Variants in MPC1 observed in about 807,000 individuals in gnomAD.
The protein encoded by MPC1 is HSPC040 protein.
MPC1 carries 6 observed loss-of-function variants against 13.9 expected under a neutral mutation model. That is an observed-to-expected ratio of 0.43 (90% CI 0.24 to 0.85). The LOEUF is 0.85. MPC1 is among the 40% of genes least tolerant of loss of function. The pLI is 0.24. For missense variants in MPC1, 115 were observed against 143.3 expected, an observed-to-expected ratio of 0.80 and a Z score of 1.01; for synonymous variants, 47 against 50.5, an observed-to-expected ratio of 0.93 and a Z score of 0.29.
In MPC1 at chr6:166,382,771, C is replaced by CCGGGTTGCGGGGTT. The variant is rs777850458; in HGVS notation, c.71+21_71+34dup. 4.5e-6 allele frequency: 7 copies of CCGGGTTGCGGGGTT among 1,557,048 alleles called. No individual in the cohort carries two copies. The African/African-American group carries it at 9.9e-5, about 22-fold the overall frequency. On this transcript the variant is annotated intron_variant, in intron 1 of 4. Transcript: ENST00000360961. ...GGGTCGCAGCCTCCCGGGAGCCCCT[C>CCGGGTTGCGGGGTT]CGGGTTGCGGGGTTCGGCCTGCGGC...
In MPC1 at chr6:166,365,549, C is replaced by A; in HGVS notation, c.306-96G>T. ...GCTTTTAAAAGACACCTTTACATAA[C>A]ATTTATTTCAACTTACAACTTATAA... On this transcript the variant is annotated intron_variant, in intron 4 of 4. Transcript: ENST00000360961. This position sits in a 1 kb window ranked among gnomAD's most constrained non-coding sequence, Gnocchi z 4.2. 1.0e-6 allele frequency: 1 copy of A among 964,140 alleles called. No individual in the cohort carries two copies. Among genetic ancestry groups the A allele is most frequent in the Non-Finnish European group, 1.5e-6 (1 of 673,232 alleles). The allele number at this position is 964,140 out of a possible 1,614,324, so 59.7% of individuals were successfully genotyped here.
At chr6:166,380,375 G>A (rs750883116) in intron 1 of MPC1, among the ~76,000 whole-genome samples, 5 of 152,184 alleles carry the variant, frequency 3.3e-5, no homozygotes, top group Non-Finnish European at 7.3e-5. Context: ...GAATCTTAGT[G>A]TGGTGCTCTA....
chr6:166,378,693 G>A (rs115825580), intron 1 of MPC1, among the ~76,000 whole-genome samples: 2,568 of 152,168 alleles, frequency 0.017, 73 homozygotes, highest in African/African-American at 0.058. Context: ...TTAAGAAAAA[G>A]GTATTGGAAT....
At chr6:166,375,811 A>T (rs1321451661) in intron 1 of MPC1, among the ~76,000 whole-genome samples, 1 of 152,142 alleles carries the variant, frequency 6.6e-6, no homozygotes, top group Non-Finnish European at 1.5e-5. Flanking sequence ...AATATAATTT[A>T]TCTTGGTGAG....
chr6:166,365,512 G>GGGCTTTGGAT lies in MPC1; in HGVS notation c.306-69_306-60dup. On this transcript the variant is annotated intron_variant, in intron 4 of 4. Coordinates refer to ENST00000360961, the MANE Select transcript of MPC1 (RefSeq NM_016098.4). The surrounding 1 kb of genome is among the most constrained non-coding windows in gnomAD (Gnocchi z 4.2). ...AACAAAATTTCAATGCCAATCGCAA[G>GGGCTTTGGAT]GGCTTTGGATGGCTTTTAAAAGACA... The GGGCTTTGGAT allele has an allele frequency of 7.0e-7, 1 of 1,436,092 alleles. No individual in the cohort carries two copies. The highest frequency in any genetic ancestry group is 2.5e-5 in the East Asian group (1 of 40,624). 89.0% of individuals were successfully genotyped at this position (1,436,092 alleles called of 1,614,324 possible). A position where few individuals can be genotyped will look rare whatever the true frequency, so the allele number is the denominator to read the frequency against.
Position 166,382,899 on chromosome 6 carries a change from G to A in MPC1, c.-23C>T. ...CATGGCTGTGCCGACACCAGACCCC[G>A]AGTGGTCCCTGCCTCTGCTGCCGCT... On this transcript the variant is annotated 5_prime_UTR_variant, in exon 1 of 5. Transcript: ENST00000360961. 1.3e-6 allele frequency: 2 copies of A among 1,587,478 alleles called. No homozygotes were observed. Among genetic ancestry groups the A allele is most frequent in the Non-Finnish European group, 1.7e-6 (2 of 1,169,482 alleles).
rs1779115067 is a variant in MPC1 at position 166,365,465 on chromosome 6, CAAAAAG to C, written c.306-18_306-13del. On this transcript the variant is annotated splice_polypyrimidine_tract_variant and intron_variant, in intron 4 of 4. Transcript: ENST00000360961. This position sits in a 1 kb window ranked among gnomAD's most constrained non-coding sequence, Gnocchi z 4.2. ...CCGTTTTAGTCATCCTGGAAAGAAA[CAAAAAG>C]AAAAATTCAATGAGAAACAAAATTT... The C allele has an allele frequency of 1.3e-6, 2 of 1,569,740 alleles. No individual in the cohort carries two copies. The highest frequency in any genetic ancestry group is 2.3e-5 in the South Asian group (2 of 85,124).
intron 1 of MPC1, among the ~76,000 whole-genome samples, chr6:166,381,370 A>G (rs1247821670): frequency 6.6e-6 from 1 of 152,258 alleles, no homozygotes; most frequent in Non-Finnish European, 1.5e-5. Context: ...TAAAAGTAGA[A>G]GTAAACAGTA....
chr6:166,367,677 A>G (rs1779213615), intron 2 of MPC1, among the ~76,000 whole-genome samples: 1 of 152,240 alleles, frequency 6.6e-6, no homozygotes, highest in African/African-American at 2.4e-5. Flanking sequence ...TGTTCATTAA[A>G]GATGAAAAAT....
intron 2 of MPC1, 64 bp downstream of exon 2, chr6:166,370,154 C>T (rs778026219): frequency 1.4e-5 from 11 of 780,738 alleles, no homozygotes; most frequent in South Asian, 5.4e-5. Context: ...AAGCCTGTTA[C>T]CCCTAACTCT....
intron 1 of MPC1, among the ~76,000 whole-genome samples, chr6:166,379,114 C>A (rs1779672394): frequency 6.6e-6 from 1 of 152,140 alleles, no homozygotes; most frequent in Admixed American, 6.5e-5. Flanking sequence ...AATCAAAGTC[C>A]ACACATTATC....
chr6:166,381,807 T>C, intron 1 of MPC1: 1 of 983,844 alleles, frequency 1.0e-6, no homozygotes, highest in Non-Finnish European at 1.2e-6. Context: ...TTACTTTGGT[T>C]GACAGAATTT....
rs147001559 is a variant in MPC1, at chr6:166,368,828, C to G, written c.75+1390G>C. On this transcript the variant is annotated intron_variant, in intron 2 of 4. Transcript: ENST00000360961. ...TCCTTTTCCTCCTTTTTTGACCAGGCCTTTCTCCACTTGGTCTATTTTCAT... is the reference window on the plus strand; with the variant it reads ...TCCTTTTCCTCCTTTTTTGACCAGGGCTTTCTCCACTTGGTCTATTTTCAT... 7.3e-4 allele frequency: 718 copies of G among 985,522 alleles called. 4 individuals carry two copies. Among genetic ancestry groups the G allele is most frequent in the African/African-American group, 6.8e-3 (387 of 57,298 alleles). 61.0% of individuals were successfully genotyped at this position (985,522 alleles called of 1,614,324 possible).
chr6:166,367,659 G>A (rs987743716), intron 2 of MPC1, among the ~76,000 whole-genome samples: 1 of 152,164 alleles, frequency 6.6e-6, no homozygotes, highest in African/African-American at 2.4e-5. Flanking sequence ...AATAAGGCTT[G>A]TGGCTTTTGT....
At chr6:166,379,994 C>T (rs1779707935) in intron 1 of MPC1, among the ~76,000 whole-genome samples, 1 of 152,202 alleles carries the variant, frequency 6.6e-6, no homozygotes, top group African/African-American at 2.4e-5. Flanking sequence ...CCCTCAATCA[C>T]TGTTTGGCAG....
chr6:166,365,922 C>A lies in MPC1; in HGVS notation c.305+52G>T. ...CAGAAAAGATTTTAGTTTCACTCTCCCCAATTCCTCAAATTCCTGAAAAGA... is the reference window on the plus strand; with the variant it reads ...CAGAAAAGATTTTAGTTTCACTCTCACCAATTCCTCAAATTCCTGAAAAGA... On this transcript the variant is annotated intron_variant, in intron 4 of 4. Coordinates refer to ENST00000360961, the MANE Select transcript of MPC1 (RefSeq NM_016098.4). This position sits in a 1 kb window ranked among gnomAD's most constrained non-coding sequence, Gnocchi z 4.2. The A allele has an allele frequency of 6.3e-7, 1 of 1,598,346 alleles. No homozygotes were observed. Among genetic ancestry groups the A allele is most frequent in the South Asian group, 1.1e-5 (1 of 89,636 alleles).
In MPC1 at chr6:166,365,471, G is replaced by A. The variant is rs765354963; in HGVS notation, c.306-18C>T. The A allele has an allele frequency of 3.6e-5, 56 of 1,568,894 alleles. No individual in the cohort carries two copies. Among genetic ancestry groups the A allele is most frequent in the Non-Finnish European group, 4.7e-5 (54 of 1,156,414 alleles). ...TAGTCATCCTGGAAAGAAACAAAAA[G>A]AAAAATTCAATGAGAAACAAAATTT... is the stretch of plus-strand genomic sequence containing the variant. On this transcript the variant is annotated intron_variant, in intron 4 of 4. Transcript: ENST00000360961. This position sits in a 1 kb window ranked among gnomAD's most constrained non-coding sequence, Gnocchi z 4.2.
chr6:166,382,705 G>A (rs1779848156), intron 1 of MPC1, 101 bp downstream of exon 1: 1 of 1,267,740 alleles, frequency 7.9e-7, no homozygotes, highest in South Asian at 1.5e-5. Flanking sequence ...CGCTGCCCGG[G>A]GCCACCGCGT....
intron 2 of MPC1, among the ~76,000 whole-genome samples, chr6:166,367,576 C>T (rs186747834): frequency 6.6e-6 from 1 of 152,164 alleles, no homozygotes; most frequent in Non-Finnish European, 1.5e-5. Context: ...CTACACTCAT[C>T]CAAGGATACC....
Sources: allele counts gnomAD v4.1 joint callset (sites outside exome capture counted in the v4.1 genomes callset), GRCh38; gene constraint gnomAD v4.1.1; non-coding constraint Gnocchi (gnomAD v3.1); transcripts MANE v1.5; gene names NCBI Gene and HGNC (gene_info 2026-07-23, HGNC 2026-07-21).